Variants in ZNF438 observed in about 807,000 individuals in gnomAD.
The protein encoded by ZNF438 is zinc finger protein 438.
In ZNF438, 25 loss-of-function variants were observed where a neutral mutation model predicts 38.0. That is an observed-to-expected ratio of 0.66 (90% CI 0.48 to 0.92). The LOEUF is 0.92. Ranked by LOEUF, ZNF438 falls within the 40% of genes least tolerant of loss-of-function variation. ZNF438 has a pLI of 0.00. For missense variants in ZNF438, 1,007 were observed against 999.6 expected, an observed-to-expected ratio of 1.01 and a Z score of -0.10; for synonymous variants, 372 against 364.1, an observed-to-expected ratio of 1.02 and a Z score of -0.25.
At chr10:30,994,597 T>C (rs1197887595) in intron 1 of ZNF438, among the ~76,000 whole-genome samples, 3 of 152,236 alleles carry the variant, frequency 2.0e-5, no homozygotes, top group Non-Finnish European at 4.4e-5. Flanking sequence ...CACCATGCTC[T>C]TGGACTTCTC....
rs972403428 is a variant in ZNF438, at chr10:30,915,420, C to A, written c.-114-6405G>T. Among the ~76,000 whole-genome samples, 3 of 151,954 alleles carry A rather than the reference C, an allele frequency of 2.0e-5. No homozygotes were observed. The East Asian group carries it at 5.8e-4, about 29-fold the overall frequency. On this transcript the variant is annotated intron_variant, in intron 2 of 5. Coordinates refer to ENST00000413025, the Ensembl canonical transcript of ZNF438. The stretch of plus-strand genomic sequence containing the variant: ...ATATTTAGGTACTTCATATAAGCAA[C>A]CAGACTGTCATCTTGCTGGATATCT...
intron 1 of ZNF438, among the ~76,000 whole-genome samples, chr10:31,016,751 C>T (rs2056224234): frequency 6.6e-6 from 1 of 152,210 alleles, no homozygotes; most frequent in African/African-American, 2.4e-5. Flanking sequence ...ACTCTCATCC[C>T]ACTGGCCAGA....
At chr10:30,850,259 C>T in exon 5 of ZNF438, 1 of 1,614,178 alleles carries the variant, frequency 6.2e-7, no homozygotes, top group South Asian at 1.1e-5. Context: ...TGGCAGCATT[C>T]TGGACGTTAG....
At chr10:30,956,155 A>G (rs1164075678) in intron 1 of ZNF438, among the ~76,000 whole-genome samples, 1 of 152,214 alleles carries the variant, frequency 6.6e-6, no homozygotes, top group Non-Finnish European at 1.5e-5. Flanking sequence ...TCATGATTGA[A>G]GCAAGAGTGG....
intron 1 of ZNF438, among the ~76,000 whole-genome samples, chr10:30,962,400 T>C (rs1174174351): frequency 6.8e-6 from 1 of 147,388 alleles, no homozygotes; most frequent in Non-Finnish European, 1.5e-5. Context: ...TATGAAAGTT[T>C]CATAGTGCAC....
At chr10:30,879,004 T>G (rs1470225264) in intron 3 of ZNF438, among the ~76,000 whole-genome samples, 4 of 152,050 alleles carry the variant, frequency 2.6e-5, no homozygotes, top group African/African-American at 9.7e-5. Flanking sequence ...ATGAGCTCTA[T>G]GTGAGGACAG....
intron 2 of ZNF438, among the ~76,000 whole-genome samples, chr10:30,925,442 G>T (rs966856779): frequency 2.0e-5 from 3 of 152,116 alleles, no homozygotes; most frequent in African/African-American, 7.2e-5. Context: ...AAGTATAAAA[G>T]AATGTATAAT....
intron 1 of ZNF438, among the ~76,000 whole-genome samples, chr10:31,022,799 C>T (rs1387927917): frequency 6.6e-6 from 1 of 152,142 alleles, no homozygotes; most frequent in Non-Finnish European, 1.5e-5. Context: ...TGTCAACCAC[C>T]ACTTCTTCAA....
intron 2 of ZNF438, among the ~76,000 whole-genome samples, chr10:30,940,201 A>G (rs113119916): frequency 5.2e-4 from 79 of 152,382 alleles, no homozygotes; most frequent in African/African-American, 1.8e-3. Flanking sequence ...ACTAAGCACT[A>G]TTAAAGGCTA....
chr10:30,998,136 A>G (rs1175223615), intron 1 of ZNF438, among the ~76,000 whole-genome samples: 2 of 152,328 alleles, frequency 1.3e-5, no homozygotes, highest in East Asian at 3.9e-4. Context: ...GTTGGAGATA[A>G]GGGAATTTGA....
intron 2 of ZNF438, among the ~76,000 whole-genome samples, chr10:30,926,131 A>C (rs2044885988): frequency 6.6e-6 from 1 of 152,188 alleles, no homozygotes. Flanking sequence ...CAGAGGTTTA[A>C]AGTAGGCAAT....
chr10:31,012,831 G>A (rs901094410), intron 1 of ZNF438, among the ~76,000 whole-genome samples: 1 of 152,200 alleles, frequency 6.6e-6, no homozygotes, highest in Non-Finnish European at 1.5e-5. Flanking sequence ...ATGCCAGAAA[G>A]GAGGTAAGAA....
chr10:30,965,993 T>TA (rs201635479), intron 1 of ZNF438, among the ~76,000 whole-genome samples: 12,061 of 151,964 alleles, frequency 0.079, 574 homozygotes, highest in Non-Finnish European at 0.11. Flanking sequence ...AGCAATACTG[T>TA]AAAAAAAATA....
At chr10:30,880,616 A>G (rs1564556974) in intron 3 of ZNF438, among the ~76,000 whole-genome samples, 1 of 152,112 alleles carries the variant, frequency 6.6e-6, no homozygotes, top group Non-Finnish European at 1.5e-5. Context: ...TCCTTCCAGA[A>G]AATTGAAAAG....
intron 1 of ZNF438, among the ~76,000 whole-genome samples, chr10:30,975,884 T>C (rs2051282746): frequency 6.6e-6 from 1 of 152,028 alleles, no homozygotes; most frequent in Non-Finnish European, 1.5e-5. Flanking sequence ...AAATAAATTG[T>C]GCATAAATTA....
exon 5 of ZNF438, chr10:30,849,663 A>G: frequency 6.2e-7 from 1 of 1,614,114 alleles, no homozygotes; most frequent in East Asian, 2.2e-5. Flanking sequence ...GGTTTACTAG[A>G]TGTTATCTTG....
intron 1 of ZNF438, among the ~76,000 whole-genome samples, chr10:30,968,434 CTTTTTTTTTTT>C (rs546132410): frequency 2.9e-5 from 3 of 103,616 alleles, no homozygotes; most frequent in Non-Finnish European, 5.8e-5. Context: ...TGAATGTAAA[CTTTTTTTTTTT>C]TTTTTTTTTT....
At chr10:30,949,697 C>G (rs1328835015) in intron 1 of ZNF438, among the ~76,000 whole-genome samples, 2 of 152,092 alleles carry the variant, frequency 1.3e-5, no homozygotes, top group Non-Finnish European at 2.9e-5. Flanking sequence ...GAAGAGCTAA[C>G]TATCCTAAAT....
rs566500396 is a variant in ZNF438 at position 30,849,660 on chromosome 10, T to C, written c.745A>G (p.Ser249Gly). 75 of 1,614,230 alleles carry C rather than the reference T, an allele frequency of 4.6e-5. No individual in the cohort carries two copies. In the South Asian group the frequency reaches 7.6e-4, roughly 16 times the overall value. Residue 249 changes from serine to glycine, a missense_variant, in exon 5 of 6, where the codon AGT becomes GGT. By Grantham distance (56) the Ser-to-Gly change is moderately conservative (BLOSUM62 0). Coordinates refer to ENST00000413025, the Ensembl canonical transcript of ZNF438. ...TCACTGGCAACAGCAGAAGGTTTACTAGATGTTATCTTGCTTACAAAGTGT... is the reference window on the plus strand; with the variant it reads ...TCACTGGCAACAGCAGAAGGTTTACCAGATGTTATCTTGCTTACAAAGTGT...
Sources: allele counts gnomAD v4.1 joint callset (sites outside exome capture counted in the v4.1 genomes callset), GRCh38; gene constraint gnomAD v4.1.1; transcripts MANE v1.5; gene names NCBI Gene and HGNC (gene_info 2026-07-23, HGNC 2026-07-21).